PARP9: variants seen among roughly 807,000 people sequenced by gnomAD.
PARP9 encodes the protein poly(ADP-ribose) polymerase family member 9.
In PARP9, 48 loss-of-function variants were observed where a neutral mutation model predicts 68.8. The ratio of observed to expected loss-of-function variants is 0.70; its 90% confidence interval spans 0.55 to 0.89. The LOEUF is 0.89. Among genes scored for constraint, PARP9 ranks in the 40% least tolerant of loss-of-function variants. The pLI, the probability that PARP9 is intolerant of heterozygous loss-of-function variation, is 0.00. For missense variants in PARP9, 806 were observed against 969.3 expected (o/e 0.83, Z 2.24); for synonymous variants, 309 against 333.8 (o/e 0.93, Z 0.81).
chr3:122,536,718 T>C (rs112543583), intron 9 of PARP9: 40 of 585,962 alleles, frequency 6.8e-5, no homozygotes, highest in African/African-American at 6.6e-4. Context: ...TCTGGAATCC[T>C]TGCTTCTGTG....
chr3:122,536,725 T>C (rs1357374046), intron 9 of PARP9: 5 of 594,520 alleles, frequency 8.4e-6, no homozygotes, highest in African/African-American at 1.9e-5. Flanking sequence ...TCCTTGCTTC[T>C]GTGTGTCCTG....
intron 4 of PARP9, among the ~76,000 whole-genome samples, chr3:122,553,172 CT>C (rs1217758551): frequency 6.6e-6 from 1 of 152,146 alleles, no homozygotes; most frequent in Admixed American, 6.5e-5. Context: ...AGTAGGTCCC[CT>C]TCTTGGTCAG....
chr3:122,564,730 CGGTG>C, upstream of PARP9: 1 of 1,280,008 alleles, frequency 7.8e-7, no homozygotes, highest in Non-Finnish European at 1.1e-6. Context: ...TGTCACTGTG[CGGTG>C]GCGGACAGGG....
At chr3:122,541,186 G>A (rs1479612081) in intron 7 of PARP9, among the ~76,000 whole-genome samples, 3 of 152,152 alleles carry the variant, frequency 2.0e-5, no homozygotes, top group Admixed American at 6.5e-5. Context: ...CAACGTGCCC[G>A]GCCGACTAGT....
chr3:122,559,769 A>G (rs771712382), intron 1 of PARP9, 60 bp from the exon 2 acceptor site: 65 of 656,848 alleles, frequency 9.9e-5, no homozygotes, highest in Non-Finnish European at 1.5e-4. Flanking sequence ...AAATTCGGTA[A>G]GAATATACTG....
chr3:122,553,747 T>G (rs2079406109), intron 4 of PARP9, among the ~76,000 whole-genome samples: 2 of 152,168 alleles, frequency 1.3e-5, no homozygotes, highest in Admixed American at 1.3e-4. Flanking sequence ...GTGACATCAC[T>G]GATCCAGAAG....
chr3:122,544,494 C>T (rs2078532719), intron 7 of PARP9, among the ~76,000 whole-genome samples: 1 of 152,056 alleles, frequency 6.6e-6, no homozygotes, highest in Non-Finnish European at 1.5e-5. Flanking sequence ...TACAGCACTG[C>T]CAGGCCACTG....
At chr3:122,552,337 T>G in intron 5 of PARP9, 81 bp downstream of exon 5, 1 of 1,085,516 alleles carries the variant, frequency 9.2e-7, no homozygotes, top group Non-Finnish European at 1.3e-6. Flanking sequence ...ATGAATGTAA[T>G]GAAATGATGG....
chr3:122,556,901 C>T (rs1376018710), intron 3 of PARP9, among the ~76,000 whole-genome samples: 2 of 152,196 alleles, frequency 1.3e-5, no homozygotes, highest in African/African-American at 4.8e-5. Context: ...ACTGCAACTT[C>T]TGCCTCCTAT....
chr3:122,558,579 C>T (rs961134160), intron 2 of PARP9, 112 bp from the exon 3 acceptor site: 11 of 1,331,728 alleles, frequency 8.3e-6, no homozygotes, highest in Admixed American at 1.9e-5. Flanking sequence ...GCTCAAAGCA[C>T]TGTGTTTGGG....
intron 5 of PARP9, among the ~76,000 whole-genome samples, chr3:122,551,475 TC>T (rs573327491): frequency 1.0e-3 from 156 of 152,324 alleles, no homozygotes; most frequent in Non-Finnish European, 1.7e-3. Flanking sequence ...TTCCTCCTAT[TC>T]TTTAATGCTT....
At chr3:122,549,873 A>T (rs1195504618) in intron 6 of PARP9, among the ~76,000 whole-genome samples, 1 of 152,158 alleles carries the variant, frequency 6.6e-6, no homozygotes, top group Non-Finnish European at 1.5e-5. Flanking sequence ...AGTGGAAATG[A>T]GAGAGGATTG....
chr3:122,552,535 A>G lies in PARP9; in HGVS notation c.990T>C (p.Leu330=), dbSNP rs752860473. 8.1e-6 allele frequency: 13 copies of G among 1,614,140 alleles called. No homozygotes were observed. The East Asian group carries it at 2.9e-4, about 36-fold the overall frequency. ...GTTGAAACTGTTTAGCCTTTGTGGC[A>G]AGAAATTCCGATTTCATTTCAACTC... ...QAGVEMKSEF[L]ATKAKQFQRS... Residue 330 remains leucine, a synonymous_variant, in exon 5 of 11, where the codon CTT becomes CTC. Transcript: ENST00000682323.
chr3:122,556,082 G>T lies in PARP9; in HGVS notation c.89C>A (p.Pro30His), dbSNP rs1490444070. ...ALGENYSWQI[P>H]INHNDFKILK... is the part of the protein sequence containing the mutation. ...AATTTTGAAGTCATTGTGGTTAATG[G>T]GAATTTGCCAACTATAGTTTTCTCC... The change falls in exon 4 of 11, where the codon CCC becomes CAC. Residue 30 changes from proline (P) to histidine (H), a missense_variant. By Grantham distance (77) the Pro-to-His change is moderately conservative. Around this residue, in one of 2 missense-constraint regions of PARP9, gnomAD observed 126 missense variants for 110.5 expected, o/e 1.14. Transcript: ENST00000682323. 6.6e-7 allele frequency: 1 copy of T among 1,516,270 alleles called. No individual in the cohort carries two copies. The highest frequency in any genetic ancestry group is 2.6e-5 in the East Asian group (1 of 37,816). The allele number at this position is 1,516,270 out of a possible 1,614,324, so 93.9% of individuals were successfully genotyped here.
Position 122,545,450 on chromosome 3 carries a change from T to G in PARP9, c.1366A>C (p.Ser456Arg). The G allele has an allele frequency of 6.2e-7, 1 of 1,614,228 alleles. No individual in the cohort carries two copies. Among genetic ancestry groups the G allele is most frequent in the Non-Finnish European group, 8.5e-7 (1 of 1,180,036 alleles). ...TACTCACCACTGTAATTGTTCAAAC[T>G]CAGCATCTTGGACCTCTTTGCCATT... ...SEMAKRSKML[S>R]LNNYSVPQST... The change falls in exon 7 of 11, where the codon AGT (serine) becomes CGT (arginine). Residue 456 changes from serine to arginine, a missense_variant. By Grantham distance (110) the Ser-to-Arg change is moderately radical (BLOSUM62 -1). Transcript: ENST00000682323.
chr3:122,529,270 G>A (rs1405357546), intron 10 of PARP9, among the ~76,000 whole-genome samples: 1 of 144,876 alleles, frequency 6.9e-6, no homozygotes, highest in African/African-American at 2.5e-5. Context: ...AACCATTAGT[G>A]TTCATAGAGA....
At chr3:122,564,098 A>C in intron 1 of PARP9, 147 bp downstream of exon 1, 2 of 326,034 alleles carry the variant, frequency 6.1e-6, no homozygotes, top group South Asian at 1.3e-4. Context: ...TAAGAAACAC[A>C]GGAGAAACTT....
intron 7 of PARP9, among the ~76,000 whole-genome samples, chr3:122,543,714 T>C (rs2078454404): frequency 6.6e-6 from 1 of 152,102 alleles, no homozygotes; most frequent in Non-Finnish European, 1.5e-5. Context: ...CGGGCTTAGG[T>C]GATCCTCCCA....
intron 3 of PARP9, among the ~76,000 whole-genome samples, chr3:122,556,990 C>T (rs1348960668): frequency 6.6e-6 from 1 of 152,130 alleles, no homozygotes; most frequent in Non-Finnish European, 1.5e-5. Flanking sequence ...ACCATCGTGT[C>T]CAGCTAATTT....
Sources: gnomAD v4.1 joint callset for allele counts (sites outside exome capture counted in the v4.1 genomes callset) on GRCh38, gnomAD v4.1.1 for gene constraint, gnomAD v4.1.1 regional missense constraint, MANE v1.5 for transcripts, NCBI Gene and HGNC (gene_info 2026-07-23, HGNC 2026-07-21) for gene names.